Variants in FAM135B observed in about 807,000 individuals in gnomAD.
The protein encoded by FAM135B is protein FAM135B.
FAM135B carries 43 observed loss-of-function variants against 127.7 expected under a neutral mutation model. That is an observed-to-expected ratio of 0.34 (90% confidence interval 0.26 to 0.43). The LOEUF is 0.43. Among genes scored for constraint, FAM135B ranks in the 20% least tolerant of loss-of-function variants. The probability of loss-of-function intolerance (pLI) is 1.00; values close to 1 mark genes in which losing one functional copy is unlikely to be tolerated. For missense variants in FAM135B, 1,558 were observed against 1,725.6 expected (o/e 0.90, Z 1.72); for synonymous variants, 670 against 665.1 (o/e 1.01, Z -0.11).
Position 138,243,186 on chromosome 8 carries a change from G to C in FAM135B, c.543-118C>G, listed in dbSNP as rs913343498. The C allele has an allele frequency of 2.5e-6, 3 of 1,215,766 alleles. No homozygotes were observed. The highest frequency in any genetic ancestry group is 3.4e-6 in the Non-Finnish European group (3 of 892,774). 75.3% of individuals were successfully genotyped at this position (1,215,766 alleles called of 1,614,324 possible). ...ATTTGGGATAAGTCATTTAGGAGTA[G>C]TTCACCCCCTAGGGAGTGTTTGCAT... On this transcript the variant is annotated intron_variant, in intron 6 of 19. Coordinates refer to ENST00000395297, the MANE Select transcript of FAM135B (RefSeq NM_015912.4). The surrounding 1 kb of genome is among the most constrained non-coding windows in gnomAD (Gnocchi z 7.5).
At chr8:138,294,601 G>A (rs990311614) in intron 3 of FAM135B, among the ~76,000 whole-genome samples, 1 of 152,032 alleles carries the variant, frequency 6.6e-6, no homozygotes, top group Non-Finnish European at 1.5e-5. Flanking sequence ...GGAAAACTCT[G>A]AGGTAATTTA....
chr8:138,299,586 T>C (rs75404282), intron 3 of FAM135B, among the ~76,000 whole-genome samples: 98 of 142,826 alleles, frequency 6.9e-4, no homozygotes, highest in Admixed American at 1.3e-3. Flanking sequence ...CATACACACA[T>C]ACACACACAC....
At chr8:138,231,681 A>G (rs1303689010) in intron 7 of FAM135B, among the ~76,000 whole-genome samples, 3 of 152,132 alleles carry the variant, frequency 2.0e-5, no homozygotes, top group Admixed American at 6.6e-5. Flanking sequence ...GTCACATCCA[A>G]CCCTGCCAGG....
rs2130486240 is a variant in FAM135B at position 138,132,708 on chromosome 8, G to A, written c.4106C>T (p.Ala1369Val). Residue 1369 changes from alanine (A) to valine (V), a missense_variant, in exon 20 of 20, where the codon GCC becomes GTC. Ala to Val is a moderately conservative substitution (Grantham distance 64, BLOSUM62 0). This residue lies in a region of FAM135B where 194 missense variants were observed against 333.8 expected (regional missense o/e 0.58). Transcript: ENST00000395297. This position sits in a 1 kb window ranked among gnomAD's most constrained non-coding sequence, Gnocchi z 4.5. The stretch of plus-strand genomic sequence containing the variant: ...CAGGGTGTTGGCAGTGTTGGGCAGG[G>A]CGTGGAACACGTTGTGTCGGATTAA... ...CTLIRHNVFH[A>V]LPNTANTLIG... is the part of the protein sequence containing the mutation. The A allele has an allele frequency of 1.2e-6, 2 of 1,614,202 alleles. No individual in the cohort carries two copies. The highest frequency in any genetic ancestry group is 1.7e-6 in the Non-Finnish European group (2 of 1,180,032).
intron 14 of FAM135B, among the ~76,000 whole-genome samples, chr8:138,147,987 G>A (rs1817796360): frequency 6.6e-6 from 1 of 152,092 alleles, no homozygotes; most frequent in Non-Finnish European, 1.5e-5. Context: ...CTATAAGTGG[G>A]AGGTAAATAA....
intron 9 of FAM135B, 90 bp from the exon 10 acceptor site, chr8:138,178,780 T>C: frequency 8.7e-7 from 1 of 1,148,966 alleles, no homozygotes. Flanking sequence ...GACTTTTCTG[T>C]TTTCAATAAA....
chr8:138,197,071 G>T (rs1435849261), intron 8 of FAM135B, among the ~76,000 whole-genome samples: 5 of 142,362 alleles, frequency 3.5e-5, no homozygotes, highest in African/African-American at 1.3e-4. Context: ...ATATATGTAT[G>T]CATATGTGTG....
chr8:138,300,197 C>T (rs1054822839), intron 3 of FAM135B, among the ~76,000 whole-genome samples: 16 of 152,020 alleles, frequency 1.1e-4, no homozygotes, highest in African/African-American at 3.6e-4. Context: ...GAACACTCCC[C>T]TTTCTCATTT....
At chr8:138,382,581 T>C (rs1831928482) in intron 1 of FAM135B, among the ~76,000 whole-genome samples, 1 of 152,184 alleles carries the variant, frequency 6.6e-6, no homozygotes, top group African/African-American at 2.4e-5. Context: ...TGCTTTTGTG[T>C]GGTGCCTTTA....
chr8:138,460,602 G>A (rs1442036024), intron 1 of FAM135B, among the ~76,000 whole-genome samples: 3 of 152,176 alleles, frequency 2.0e-5, no homozygotes, highest in South Asian at 4.1e-4. Flanking sequence ...TTGGGGAAAA[G>A]AAGACAGTTA....
intron 13 of FAM135B, among the ~76,000 whole-genome samples, chr8:138,150,242 T>TA (rs962736705): frequency 2.6e-5 from 4 of 152,188 alleles, no homozygotes; most frequent in African/African-American, 9.7e-5. Context: ...CCCACAATGT[T>TA]AAAGGGTGCT....
intron 7 of FAM135B, among the ~76,000 whole-genome samples, chr8:138,230,190 C>A (rs1255946759): frequency 1.3e-5 from 2 of 152,134 alleles, no homozygotes. Context: ...TCTCTGCCAC[C>A]ACGGTCATTC....
chr8:138,315,040 A>G (rs1219496213), intron 2 of FAM135B, among the ~76,000 whole-genome samples: 1 of 152,150 alleles, frequency 6.6e-6, no homozygotes, highest in Non-Finnish European at 1.5e-5. Flanking sequence ...TACAATCAAA[A>G]GAAAATATTT....
At chr8:138,485,895 ATG>A (rs781464670) in intron 1 of FAM135B, among the ~76,000 whole-genome samples, 3 of 152,110 alleles carry the variant, frequency 2.0e-5, no homozygotes, top group Non-Finnish European at 4.4e-5. Flanking sequence ...CAAGTATGAT[ATG>A]TGAGTGAGTG....
chr8:138,272,339 A>G (rs561919804), intron 3 of FAM135B, among the ~76,000 whole-genome samples: 2 of 152,300 alleles, frequency 1.3e-5, no homozygotes, highest in Admixed American at 1.3e-4. Context: ...GAAGTTACCC[A>G]ATGTTTGTTA....
intron 2 of FAM135B, among the ~76,000 whole-genome samples, chr8:138,335,098 T>C (rs1410706715): frequency 6.6e-6 from 1 of 152,224 alleles, no homozygotes; most frequent in Admixed American, 6.5e-5. Flanking sequence ...ACTGTGATTT[T>C]TTGTTCAACA....
chr8:138,172,022 G>A (rs1272845596), intron 11 of FAM135B, among the ~76,000 whole-genome samples: 1 of 152,190 alleles, frequency 6.6e-6, no homozygotes, highest in Non-Finnish European at 1.5e-5. Context: ...ATGCACAAGT[G>A]CATGTTTACG....
chr8:138,413,184 T>C (rs952704967), intron 1 of FAM135B, among the ~76,000 whole-genome samples: 4 of 152,136 alleles, frequency 2.6e-5, no homozygotes, highest in Admixed American at 1.3e-4. Context: ...AAGTTTCAAA[T>C]AGAATTGATG....
chr8:138,195,650 A>G (rs1243816907), intron 8 of FAM135B, among the ~76,000 whole-genome samples: 1 of 152,070 alleles, frequency 6.6e-6, no homozygotes, highest in East Asian at 1.9e-4. Flanking sequence ...ACACACACAC[A>G]CACACACAAA....
Sources: gnomAD v4.1 joint callset for allele counts (sites outside exome capture counted in the v4.1 genomes callset) on GRCh38, gnomAD v4.1.1 for gene constraint, gnomAD v4.1.1 regional missense constraint, Gnocchi (gnomAD v3.1) non-coding constraint, MANE v1.5 for transcripts, NCBI Gene and HGNC (gene_info 2026-07-23, HGNC 2026-07-21) for gene names.